Variants in MAGI1 observed in about 807,000 individuals in gnomAD.
MAGI1 encodes the protein membrane-associated guanylate kinase, WW and PDZ domain-containing protein 1.
MAGI1 carries 58 observed loss-of-function variants against 139.9 expected under a neutral mutation model. That is an observed-to-expected ratio of 0.41 (90% CI 0.34 to 0.52). MAGI1 has a LOEUF of 0.52. Ranked by LOEUF, MAGI1 falls within the 20% of genes least tolerant of loss-of-function variation. MAGI1 has a pLI of 0.12. For synonymous variants in MAGI1, 812 were observed against 737.9 expected, an observed-to-expected ratio of 1.10 and a Z score of -1.63; for missense variants, 1,874 against 1,901.6, an observed-to-expected ratio of 0.99 and a Z score of 0.27.
chr3:65,430,628 T>C, intron 11 of MAGI1, 71 bp downstream of exon 11: 1 of 1,514,156 alleles, frequency 6.6e-7, no homozygotes, highest in East Asian at 2.3e-5. Flanking sequence ...AACAACATCA[T>C]GATTGCACAT....
chr3:65,497,925 A>C (rs564155640), intron 2 of MAGI1, among the ~76,000 whole-genome samples: 1 of 152,292 alleles, frequency 6.6e-6, no homozygotes, highest in African/African-American at 2.4e-5. Flanking sequence ...CAAAACGTTC[A>C]GGGTTTATTA....
chr3:65,916,784 AACAC>A (rs147407295), intron 1 of MAGI1, among the ~76,000 whole-genome samples: 2 of 149,844 alleles, frequency 1.3e-5, no homozygotes, highest in African/African-American at 2.4e-5. Flanking sequence ...TACACACACT[AACAC>A]ACACACACAC....
chr3:65,517,897 C>G (rs73832892), intron 2 of MAGI1, among the ~76,000 whole-genome samples: 2,700 of 152,248 alleles, frequency 0.018, 72 homozygotes, highest in African/African-American at 0.06. Context: ...CAGAGTCCCT[C>G]TGTTGAAAAA....
intron 1 of MAGI1, among the ~76,000 whole-genome samples, chr3:65,818,996 G>C (rs1264304647): frequency 6.6e-6 from 1 of 151,996 alleles, no homozygotes; most frequent in Admixed American, 6.6e-5. Context: ...TTATTAACAA[G>C]GCATATGGTC....
intron 12 of MAGI1, among the ~76,000 whole-genome samples, chr3:65,404,070 C>G: frequency 6.6e-6 from 1 of 152,186 alleles, no homozygotes; most frequent in East Asian, 1.9e-4. Flanking sequence ...TGGCTTTTGC[C>G]TTCCATGAAC....
chr3:65,369,508 G>C (rs1019867447), intron 18 of MAGI1, among the ~76,000 whole-genome samples: 1 of 151,600 alleles, frequency 6.6e-6, no homozygotes, highest in Non-Finnish European at 1.5e-5. Context: ...AGACGTGATG[G>C]ATTCTTTTTT....
chr3:65,811,584 T>C (rs2041236119), intron 1 of MAGI1, among the ~76,000 whole-genome samples: 1 of 152,078 alleles, frequency 6.6e-6, no homozygotes, highest in African/African-American at 2.4e-5. Context: ...TCTCTGTGGG[T>C]TCCTGAAACT....
chr3:65,517,469 T>A (rs2077960810), intron 2 of MAGI1, among the ~76,000 whole-genome samples: 1 of 152,160 alleles, frequency 6.6e-6, no homozygotes, highest in Admixed American at 6.5e-5. Flanking sequence ...TTCCAAACAC[T>A]CTTCTGCAAT....
chr3:65,675,634 G>A (rs1228182719), intron 1 of MAGI1, among the ~76,000 whole-genome samples: 1 of 152,024 alleles, frequency 6.6e-6, no homozygotes, highest in Non-Finnish European at 1.5e-5. Context: ...AAAATTCAAG[G>A]AGCCATCTAA....
chr3:65,877,353 A>G (rs752368481), intron 1 of MAGI1, among the ~76,000 whole-genome samples: 4 of 152,196 alleles, frequency 2.6e-5, no homozygotes, highest in Non-Finnish European at 5.9e-5. Context: ...GTAACATCTC[A>G]GGGCATGGAC....
At chr3:65,937,183 C>T (rs1281133895) in intron 1 of MAGI1, among the ~76,000 whole-genome samples, 1 of 152,090 alleles carries the variant, frequency 6.6e-6, no homozygotes, top group African/African-American at 2.4e-5. Flanking sequence ...ATCTGAATTC[C>T]AATAGCAAGT....
chr3:65,737,984 C>T (rs1219919533), intron 1 of MAGI1, among the ~76,000 whole-genome samples: 1 of 152,178 alleles, frequency 6.6e-6, no homozygotes, highest in Non-Finnish European at 1.5e-5. Context: ...AAAATAAAAA[C>T]TCACTGTAGG....
At chr3:65,570,088 T>TATTATC (rs2080883080) in intron 2 of MAGI1, among the ~76,000 whole-genome samples, 1 of 145,568 alleles carries the variant, frequency 6.9e-6, no homozygotes, top group Non-Finnish European at 1.5e-5. Flanking sequence ...TTATTATTAT[T>TATTATC]ATTATTATTA....
chr3:65,775,681 C>T (rs1166809326), intron 1 of MAGI1, among the ~76,000 whole-genome samples: 1 of 151,980 alleles, frequency 6.6e-6, no homozygotes, highest in Non-Finnish European at 1.5e-5. Flanking sequence ...TAGCCCACAC[C>T]TGTAATCCCA....
intron 1 of MAGI1, among the ~76,000 whole-genome samples, chr3:65,807,273 G>C (rs559811549): frequency 6.6e-5 from 10 of 152,324 alleles, no homozygotes; most frequent in African/African-American, 2.4e-4. Context: ...CATTCCAGCA[G>C]ATGTGGTGTC....
Position 65,448,502 on chromosome 3 carries a change from A to G in MAGI1, c.1043-445T>C, listed in dbSNP as rs190374345. On this transcript the variant is annotated intron_variant, in intron 6 of 22. Transcript: ENST00000402939. Reference sequence around the variant, plus strand: ...TTAAAGCATTATTTAACTTACAAGTAACAGTGCTGCTTGAAAAATGGAAGG... The same window carrying G: ...TTAAAGCATTATTTAACTTACAAGTGACAGTGCTGCTTGAAAAATGGAAGG... Among the ~76,000 whole-genome samples, 13 of 152,334 alleles carry G rather than the reference A, an allele frequency of 8.5e-5. 1 individual carries two copies. In the East Asian group the frequency reaches 2.3e-3, roughly 27 times the overall value.
intron 4 of MAGI1, among the ~76,000 whole-genome samples, chr3:65,471,749 G>A (rs1197266667): frequency 6.6e-6 from 1 of 151,462 alleles, no homozygotes; most frequent in Non-Finnish European, 1.5e-5. Context: ...TTTGTTATTA[G>A]GTCAGGAATA....
chr3:65,521,280 C>G (rs2078141981), intron 2 of MAGI1, among the ~76,000 whole-genome samples: 1 of 151,308 alleles, frequency 6.6e-6, no homozygotes, highest in African/African-American at 2.4e-5. Context: ...GGCCTTTAGC[C>G]AGAAGCAATA....
chr3:65,950,068 A>G (rs2888301), intron 1 of MAGI1, among the ~76,000 whole-genome samples: 1 of 4,824 alleles, frequency 2.1e-4, no homozygotes, highest in Non-Finnish European at 8.7e-4. Flanking sequence ...ACAAAAAAAC[A>G]AAAAAAAAAC....
Sources: allele counts gnomAD v4.1 joint callset (sites outside exome capture counted in the v4.1 genomes callset), GRCh38; gene constraint gnomAD v4.1.1; transcripts MANE v1.5; gene names NCBI Gene and HGNC (gene_info 2026-07-23, HGNC 2026-07-21).